The following PREX2 variants were observed in gnomAD, a reference collection of about 807,000 sequenced individuals.
PREX2 encodes the protein phosphatidylinositol-3,4,5-trisphosphate dependent Rac exchange factor 2.
In PREX2, 107 loss-of-function variants were observed where a neutral mutation model predicts 203.2. That is an observed-to-expected ratio of 0.53 (90% CI 0.45 to 0.62). PREX2 has a LOEUF of 0.62. Ranked by LOEUF, PREX2 falls within the 20% of genes least tolerant of loss-of-function variation. PREX2 has a pLI of 0.00. For synonymous variants in PREX2, 672 were observed against 663.6 expected (o/e 1.01, Z -0.19); for missense variants, 1,777 against 1,955.9 (o/e 0.91, Z 1.72).
At chr8:68,151,309 C>T (rs866529839) in intron 34 of PREX2, among the ~76,000 whole-genome samples, 30 of 151,894 alleles carry the variant, frequency 2.0e-4, no homozygotes, top group African/African-American at 6.5e-4. Flanking sequence ...CCTACGTATT[C>T]GGGAGACTGA....
intron 7 of PREX2, among the ~76,000 whole-genome samples, chr8:68,040,606 G>A (rs370451188): frequency 2.0e-5 from 3 of 152,038 alleles, no homozygotes; most frequent in Non-Finnish European, 4.4e-5. Context: ...CACTCCCTCT[G>A]TAGTGTCTTC....
chr8:68,213,063 A>G (rs1334686934), intron 37 of PREX2, among the ~76,000 whole-genome samples: 1 of 152,184 alleles, frequency 6.6e-6, no homozygotes, highest in Non-Finnish European at 1.5e-5. Flanking sequence ...ACTGTGTACA[A>G]TGGGCAGTAG....
chr8:67,997,266 C>T (rs1299020515), intron 1 of PREX2, among the ~76,000 whole-genome samples: 1 of 151,948 alleles, frequency 6.6e-6, no homozygotes, highest in East Asian at 1.9e-4. Context: ...CTACAATAGT[C>T]CCCCCTTAAC....
At chr8:68,086,082 T>G (rs1245470884) in intron 18 of PREX2, among the ~76,000 whole-genome samples, 1 of 152,222 alleles carries the variant, frequency 6.6e-6, no homozygotes, top group African/African-American at 2.4e-5. Context: ...GATAACTATG[T>G]GTTATTCAAA....
intron 1 of PREX2, among the ~76,000 whole-genome samples, chr8:67,985,194 G>A (rs1453000217): frequency 8.5e-5 from 13 of 152,136 alleles, no homozygotes; most frequent in African/African-American, 2.9e-4. Flanking sequence ...AAACACAATA[G>A]CATCGTGAAT....
chr8:68,108,736 G>C lies in PREX2; in HGVS notation c.2938+405G>C, dbSNP rs544368377. Among the ~76,000 whole-genome samples the C allele has an allele frequency of 4.5e-4, 69 of 152,248 alleles. No homozygotes were observed. The South Asian group carries it at 8.3e-3, about 18-fold the overall frequency. On this transcript the variant is annotated intron_variant, in intron 24 of 39. Transcript: ENST00000288368. ...AACTATCCTCTAGTTTTTAATTACA[G>C]CTCCCCACGGGCTCTAATTTCTGAA...
intron 1 of PREX2, among the ~76,000 whole-genome samples, chr8:67,982,736 A>G (rs978895644): frequency 6.6e-6 from 1 of 152,240 alleles, no homozygotes; most frequent in Non-Finnish European, 1.5e-5. Context: ...TCTCAAAGCC[A>G]ATCTAAAATG....
At chr8:68,138,839 TA>T (rs1811164810) in intron 33 of PREX2, among the ~76,000 whole-genome samples, 1 of 152,170 alleles carries the variant, frequency 6.6e-6, no homozygotes, top group African/African-American at 2.4e-5. Flanking sequence ...TTATTATTTT[TA>T]TATGTCTCTT....
At chr8:68,075,317 A>G (rs1809314706) in intron 14 of PREX2, among the ~76,000 whole-genome samples, 1 of 152,238 alleles carries the variant, frequency 6.6e-6, no homozygotes, top group East Asian at 1.9e-4. Flanking sequence ...TGATTATTAA[A>G]CAAGCTTTTC....
At chr8:68,110,382 A>G (rs1810512795) in intron 25 of PREX2, among the ~76,000 whole-genome samples, 1 of 152,206 alleles carries the variant, frequency 6.6e-6, no homozygotes, top group Admixed American at 6.5e-5. Context: ...CTGAGTAATA[A>G]TAATGAATTA....
At chr8:67,968,486 A>G (rs1052181013) in intron 1 of PREX2, among the ~76,000 whole-genome samples, 4 of 152,226 alleles carry the variant, frequency 2.6e-5, no homozygotes, top group Non-Finnish European at 5.9e-5. Flanking sequence ...CCAACTTCAG[A>G]ATAGGAATGG....
At chr8:68,157,464 T>C (rs1811563403) in intron 35 of PREX2, 28 bp downstream of exon 35, 4 of 1,185,670 alleles carry the variant, frequency 3.4e-6, no homozygotes, top group Non-Finnish European at 3.8e-6. Flanking sequence ...TGAAAAATAA[T>C]GAGTGTCTAT....
At chr8:68,192,239 T>C (rs1182337169) in intron 36 of PREX2, 96 bp from the exon 37 acceptor site, 1 of 912,680 alleles carries the variant, frequency 1.1e-6, no homozygotes, top group Non-Finnish European at 1.6e-6. Flanking sequence ...CAAAATGAAA[T>C]AAAATTTTAG....
chr8:68,072,078 C>T (rs1179655940), intron 13 of PREX2, among the ~76,000 whole-genome samples: 2 of 152,094 alleles, frequency 1.3e-5, no homozygotes, highest in African/African-American at 4.8e-5. Context: ...CCAATTTTGC[C>T]ATAGGCTAAT....
At chr8:67,993,492 C>T (rs374876901) in intron 1 of PREX2, among the ~76,000 whole-genome samples, 1 of 151,414 alleles carries the variant, frequency 6.6e-6, no homozygotes, top group African/African-American at 2.4e-5. Flanking sequence ...CCACAACCTC[C>T]GCCTCCCAGG....
rs1810709642 is a variant in PREX2, at chr8:68,118,771, C to T, written c.3421+127C>T. On this transcript the variant is annotated intron_variant, in intron 27 of 39. Transcript: ENST00000288368. Reference sequence around the variant, plus strand: ...CCTTTTATCAGTCACTCTCTGTGGCCACACATACTGCATTTCAGTTTTATG... The same window carrying T: ...CCTTTTATCAGTCACTCTCTGTGGCTACACATACTGCATTTCAGTTTTATG... 3 of 782,460 alleles carry T rather than the reference C, an allele frequency of 3.8e-6. No individual in the cohort carries two copies. In the South Asian group the frequency reaches 4.1e-5, roughly 11 times the overall value. The allele number at this position is 782,460 out of a possible 1,614,324, so 48.5% of individuals were successfully genotyped here. A position where few individuals can be genotyped will look rare whatever the true frequency, so the allele number is the denominator to read the frequency against.
chr8:68,193,377 T>C (rs907973547), intron 37 of PREX2, among the ~76,000 whole-genome samples: 4 of 152,208 alleles, frequency 2.6e-5, no homozygotes, highest in African/African-American at 9.7e-5. Context: ...TTTTGTTACA[T>C]AGGTATACAT....
At chr8:68,188,261 A>AT (rs1812229011) in intron 35 of PREX2, among the ~76,000 whole-genome samples, 2 of 152,166 alleles carry the variant, frequency 1.3e-5, no homozygotes. Context: ...GCACAAAACC[A>AT]TTTTTAAGAG....
chr8:68,181,537 T>G (rs1187511614), intron 35 of PREX2, among the ~76,000 whole-genome samples: 1 of 152,128 alleles, frequency 6.6e-6, no homozygotes, highest in East Asian at 1.9e-4. Context: ...TGGTTTGTCT[T>G]TCTCAGTCAG....
Sources: allele counts gnomAD v4.1 joint callset (sites outside exome capture counted in the v4.1 genomes callset), GRCh38; gene constraint gnomAD v4.1.1; transcripts MANE v1.5; gene names NCBI Gene and HGNC (gene_info 2026-07-23, HGNC 2026-07-21).